The following COL23A1 variants were observed in gnomAD, a reference collection of about 807,000 sequenced individuals.
COL23A1 encodes the protein collagen alpha-1(XXIII) chain.
In COL23A1, 97 loss-of-function variants were observed where a neutral mutation model predicts 99.3. The observed-to-expected ratio is 0.98, with a 90% CI of 0.83 to 1.16. The LOEUF (loss-of-function observed/expected upper bound fraction) is 1.16. COL23A1 is among the 50% of genes most tolerant of loss of function. COL23A1 has a pLI of 0.00. For missense variants in COL23A1, 762 were observed against 757.4 expected (o/e 1.01, Z -0.07); for synonymous variants, 320 against 308.2 (o/e 1.04, Z -0.40).
chr5:178,294,275 A>AGTGCCCCACACCTGAGCCTCTGG, intron 3 of COL23A1, among the ~76,000 whole-genome samples: 5 of 143,140 alleles, frequency 3.5e-5, no homozygotes, highest in South Asian at 2.3e-4. Flanking sequence ...CTCCCTCCCC[A>AGTGCCCCACACCTGAGCCTCTGG]AATCACTACC....
At chr5:178,502,176 G>A (rs181509527) in intron 2 of COL23A1, among the ~76,000 whole-genome samples, 8 of 152,340 alleles carry the variant, frequency 5.3e-5, no homozygotes, top group Admixed American at 4.6e-4. Flanking sequence ...CTGTCGCCCA[G>A]GCTGGAGTGC....
rs17081346 is a variant in COL23A1, at chr5:178,468,382, G to A, written c.361+92300C>T. Among the ~76,000 whole-genome samples the A allele has an allele frequency of 0.087, 13,307 of 152,228 alleles. 1,491 individuals are homozygous for A. The highest frequency in any genetic ancestry group is 0.51 in the East Asian group (2,642 of 5,160). Reference sequence around the variant, plus strand: ...TGGAAGCCAGCACGTGGGTCAAAGGGCGATGGACTGGGCTAGGGGTCAGTG... The same window carrying A: ...TGGAAGCCAGCACGTGGGTCAAAGGACGATGGACTGGGCTAGGGGTCAGTG... On this transcript the variant is annotated intron_variant, in intron 2 of 28. Coordinates refer to ENST00000390654, the MANE Select transcript of COL23A1 (RefSeq NM_173465.4). This position sits in a 1 kb window ranked among gnomAD's most constrained non-coding sequence, Gnocchi z 4.2.
intron 24 of COL23A1, 29 bp from the exon 25 acceptor site, chr5:178,245,997 G>A: frequency 6.2e-7 from 1 of 1,613,588 alleles, no homozygotes. Flanking sequence ...TGGGTGAGAG[G>A]GGTTGGGGAG....
chr5:178,532,947 C>T (rs1581581453), intron 2 of COL23A1, among the ~76,000 whole-genome samples: 1 of 152,198 alleles, frequency 6.6e-6, no homozygotes, highest in Non-Finnish European at 1.5e-5. Flanking sequence ...TGTGTGGAAT[C>T]AACAGCTGTT....
intron 2 of COL23A1, among the ~76,000 whole-genome samples, chr5:178,539,568 A>T (rs886471684): frequency 9.5e-5 from 13 of 136,302 alleles, no homozygotes; most frequent in Non-Finnish European, 1.6e-5. Context: ...AAAAAAAAAA[A>T]GAAAAAGAAA....
chr5:178,368,722 C>T (rs946601466), intron 2 of COL23A1, among the ~76,000 whole-genome samples: 2 of 152,252 alleles, frequency 1.3e-5, no homozygotes, highest in African/African-American at 4.8e-5. Context: ...TCCAGAGTGG[C>T]ACAGCCAGCA....
chr5:178,440,303 G>C (rs1219187011), intron 2 of COL23A1, among the ~76,000 whole-genome samples: 1 of 152,116 alleles, frequency 6.6e-6, no homozygotes, highest in African/African-American at 2.4e-5. Context: ...AAGCCCCGTG[G>C]AACTCTCTCC....
intron 2 of COL23A1, among the ~76,000 whole-genome samples, chr5:178,540,286 A>C (rs1761216296): frequency 6.6e-6 from 1 of 152,242 alleles, no homozygotes; most frequent in African/African-American, 2.4e-5. Flanking sequence ...AAAATATTAG[A>C]ATTAACAAGT....
chr5:178,547,104 A>G (rs1016024485), intron 2 of COL23A1, among the ~76,000 whole-genome samples: 9 of 152,268 alleles, frequency 5.9e-5, no homozygotes, highest in Middle Eastern at 3.4e-3. Context: ...TCAGCTGCAA[A>G]AGGTAGAGAA....
intron 2 of COL23A1, among the ~76,000 whole-genome samples, chr5:178,342,180 T>C (rs958236963): frequency 6.6e-6 from 1 of 152,196 alleles, no homozygotes; most frequent in African/African-American, 2.4e-5. Context: ...AGTTCCCACA[T>C]GGCCCACGAT....
intron 5 of COL23A1, among the ~76,000 whole-genome samples, chr5:178,276,744 G>A (rs977741868): frequency 2.0e-5 from 3 of 152,242 alleles, no homozygotes; most frequent in Admixed American, 6.5e-5. Flanking sequence ...GCTAGGGAAA[G>A]GAAGAAAAGA....
At chr5:178,328,447 C>T (rs1381693262) in intron 2 of COL23A1, among the ~76,000 whole-genome samples, 2 of 152,186 alleles carry the variant, frequency 1.3e-5, no homozygotes, top group Non-Finnish European at 2.9e-5. Flanking sequence ...AAAGAGAGAC[C>T]CAGGTACAAA....
intron 2 of COL23A1, among the ~76,000 whole-genome samples, chr5:178,368,787 G>A (rs1463040618): frequency 2.0e-5 from 3 of 152,244 alleles, no homozygotes; most frequent in African/African-American, 4.8e-5. Flanking sequence ...ACTGCTGCAA[G>A]CCAAGTAGGA....
intron 2 of COL23A1, among the ~76,000 whole-genome samples, chr5:178,502,162 C>T (rs780989951): frequency 1.8e-4 from 28 of 152,160 alleles, no homozygotes; most frequent in East Asian, 7.7e-4. Flanking sequence ...GATGGAGTCT[C>T]GCTCTGTCGC....
chr5:178,292,412 C>G (rs1418124421), intron 3 of COL23A1, among the ~76,000 whole-genome samples: 1 of 152,236 alleles, frequency 6.6e-6, no homozygotes, highest in Non-Finnish European at 1.5e-5. Context: ...GAAACATGCT[C>G]TAATTCCTCG....
intron 2 of COL23A1, among the ~76,000 whole-genome samples, chr5:178,448,098 T>C (rs1167483457): frequency 2.6e-5 from 4 of 152,128 alleles, no homozygotes; most frequent in South Asian, 4.1e-4. Context: ...GTGAACGGGA[T>C]TAGTGCTAGT....
chr5:178,450,144 C>T (rs1431237260), intron 2 of COL23A1, among the ~76,000 whole-genome samples: 1 of 152,116 alleles, frequency 6.6e-6, no homozygotes, highest in African/African-American at 2.4e-5. Context: ...AATGCCAGAC[C>T]CTGAGCCCTC....
At chr5:178,314,934 A>G (rs17081063) in intron 2 of COL23A1, among the ~76,000 whole-genome samples, 31,755 of 152,044 alleles carry the variant, frequency 0.21, 4,148 homozygotes, top group African/African-American at 0.37. Context: ...AGAGAGGTTA[A>G]ATAGTCCACG....
chr5:178,249,325 C>T, intron 18 of COL23A1, 119 bp from the exon 19 acceptor site: 4 of 950,268 alleles, frequency 4.2e-6, no homozygotes, highest in Non-Finnish European at 6.7e-6. Flanking sequence ...TGGGTCCCCA[C>T]CTCCAGCCAC....
Sources: gnomAD v4.1 joint callset for allele counts (sites outside exome capture counted in the v4.1 genomes callset) on GRCh38, gnomAD v4.1.1 for gene constraint, Gnocchi (gnomAD v3.1) non-coding constraint, MANE v1.5 for transcripts, NCBI Gene and HGNC (gene_info 2026-07-23, HGNC 2026-07-21) for gene names.